SEMA3A: variants seen among roughly 807,000 people sequenced by gnomAD.
The protein encoded by SEMA3A is semaphorin 3A.
SEMA3A carries 29 observed loss-of-function variants against 97.9 expected under a neutral mutation model. The observed-to-expected ratio is 0.30, with a 90% CI of 0.22 to 0.40. The LOEUF is 0.40. SEMA3A is among the 10% of genes least tolerant of loss of function. The pLI is 1.00. For synonymous variants in SEMA3A, 321 were observed against 323.7 expected (o/e 0.99, Z 0.09); for missense variants, 763 against 951.3 (o/e 0.80, Z 2.60).
chr7:83,972,624 T>A (rs1338194110), intron 15 of SEMA3A, among the ~76,000 whole-genome samples: 1 of 152,032 alleles, frequency 6.6e-6, no homozygotes, highest in Admixed American at 6.6e-5. Flanking sequence ...CCATAAACAA[T>A]AATGAAAATA....
chr7:84,299,338 ATCTCTCTC>A (rs368421141), intron 3 of SEMA3A, among the ~76,000 whole-genome samples: 14 of 112,974 alleles, frequency 1.2e-4, no homozygotes, highest in South Asian at 6.3e-4. Flanking sequence ...ATATATATGT[ATCTCTCTC>A]TCTCTCTCTC....
intron 2 of SEMA3A, among the ~76,000 whole-genome samples, chr7:84,348,314 G>A (rs1802353693): frequency 6.6e-6 from 1 of 152,112 alleles, no homozygotes; most frequent in South Asian, 2.1e-4. Context: ...TTGTTAATAT[G>A]TAGCCAAAGT....
intron 4 of SEMA3A, among the ~76,000 whole-genome samples, chr7:84,074,881 T>C (rs1344049628): frequency 1.3e-5 from 2 of 152,076 alleles, no homozygotes; most frequent in Non-Finnish European, 2.9e-5. Context: ...ACTATAATTG[T>C]TTAATAATTG....
chr7:84,257,918 A>G (rs536928499), intron 3 of SEMA3A, among the ~76,000 whole-genome samples: 1 of 152,334 alleles, frequency 6.6e-6, no homozygotes, highest in South Asian at 2.1e-4. Context: ...TTATTTCTAT[A>G]TTAGACATAT....
At chr7:84,047,222 T>G (rs2115588523) in intron 5 of SEMA3A, among the ~76,000 whole-genome samples, 1 of 152,008 alleles carries the variant, frequency 6.6e-6, no homozygotes, top group African/African-American at 2.4e-5. Flanking sequence ...AGGTCAGAGT[T>G]TAATAATGGA....
At chr7:84,069,429 G>A (rs932781917) in intron 4 of SEMA3A, among the ~76,000 whole-genome samples, 1 of 152,072 alleles carries the variant, frequency 6.6e-6, no homozygotes, top group African/African-American at 2.4e-5. Context: ...AGTTGTTACA[G>A]TAAACTTATT....
intron 1 of SEMA3A, among the ~76,000 whole-genome samples, chr7:84,410,003 C>T (rs536537506): frequency 6.6e-6 from 1 of 151,890 alleles, no homozygotes; most frequent in African/African-American, 2.4e-5. Context: ...AAAAATGATT[C>T]ATAAGGATCA....
intron 5 of SEMA3A, among the ~76,000 whole-genome samples, chr7:84,055,024 G>A (rs1583884239): frequency 3.3e-5 from 5 of 151,588 alleles, no homozygotes; most frequent in African/African-American, 4.8e-5. Context: ...TCAGGGGTCA[G>A]GGGTCAGGGA....
At chr7:84,285,645 T>C (rs1027455990) in intron 3 of SEMA3A, among the ~76,000 whole-genome samples, 2 of 151,964 alleles carry the variant, frequency 1.3e-5, no homozygotes, top group African/African-American at 4.8e-5. Context: ...ATAAGGGAAG[T>C]TGAATATAAA....
At chr7:84,171,744 G>C (rs1011563562) in intron 1 of SEMA3A, among the ~76,000 whole-genome samples, 3 of 151,828 alleles carry the variant, frequency 2.0e-5, no homozygotes, top group Admixed American at 2.0e-4. Flanking sequence ...TACTTGAACT[G>C]CTTTGATTAA....
intron 1 of SEMA3A, among the ~76,000 whole-genome samples, chr7:84,456,720 A>G (rs1385533429): frequency 6.6e-6 from 1 of 151,846 alleles, no homozygotes. Flanking sequence ...ATAAAGAACC[A>G]TGTTATATTT....
chr7:84,149,002 A>C (rs977835863), intron 1 of SEMA3A, among the ~76,000 whole-genome samples: 1 of 152,286 alleles, frequency 6.6e-6, no homozygotes, highest in East Asian at 1.9e-4. Context: ...GATAGTCAAA[A>C]GTTATATGTG....
At chr7:84,321,166 C>A (rs549847584) in intron 2 of SEMA3A, among the ~76,000 whole-genome samples, 6 of 152,112 alleles carry the variant, frequency 3.9e-5, no homozygotes, top group Non-Finnish European at 8.8e-5. Context: ...AGATTGTAAA[C>A]CTAAATCCAG....
At chr7:84,343,264 G>C (rs2115994557) in intron 2 of SEMA3A, among the ~76,000 whole-genome samples, 1 of 152,302 alleles carries the variant, frequency 6.6e-6, no homozygotes, top group East Asian at 1.9e-4. Flanking sequence ...ATAAATGGTA[G>C]TTGAATTGTG....
At chr7:84,424,063 C>T (rs1804675166) in intron 1 of SEMA3A, among the ~76,000 whole-genome samples, 1 of 151,368 alleles carries the variant, frequency 6.6e-6, no homozygotes, top group Admixed American at 6.6e-5. Flanking sequence ...TTAGTAAAAC[C>T]CCTATGGAAA....
chr7:84,002,286 A>AT (rs1380131863), intron 11 of SEMA3A, among the ~76,000 whole-genome samples: 5 of 152,194 alleles, frequency 3.3e-5, no homozygotes, highest in Non-Finnish European at 7.3e-5. Context: ...ATTTTTAGAA[A>AT]TATGTTTAGC....
At chr7:84,290,939 GA>G (rs1177790795) in intron 3 of SEMA3A, among the ~76,000 whole-genome samples, 3 of 151,994 alleles carry the variant, frequency 2.0e-5, no homozygotes, top group African/African-American at 4.8e-5. Context: ...CTTTTACTTT[GA>G]AAAGGTCAGG....
At position 83,980,329 on chromosome 7, in the gene SEMA3A, G is replaced by T. The variant is rs142307259; in HGVS notation, c.1652+992C>A. On this transcript the variant is annotated intron_variant, in intron 14 of 16. Transcript: ENST00000265362. ...ATATATATGTATATATATGCTGGGCGCAGTGGCACACGACTGTAATCCCTG... is the reference window on the plus strand; with the variant it reads ...ATATATATGTATATATATGCTGGGCTCAGTGGCACACGACTGTAATCCCTG... 7.3e-3 allele frequency among the ~76,000 whole-genome samples: 1,101 copies of T among 151,810 alleles called. 13 individuals are homozygous for T. Among genetic ancestry groups the T allele is most frequent in the African/African-American group, 0.025 (1,049 of 41,412 alleles).
chr7:84,419,676 G>A (rs73710474), intron 1 of SEMA3A, among the ~76,000 whole-genome samples: 1 of 152,282 alleles, frequency 6.6e-6, no homozygotes, highest in African/African-American at 2.4e-5. Flanking sequence ...CAGGTTCAGA[G>A]TGGAATGTAT....
Sources: gnomAD v4.1 joint callset for allele counts (sites outside exome capture counted in the v4.1 genomes callset) on GRCh38, gnomAD v4.1.1 for gene constraint, MANE v1.5 for transcripts, NCBI Gene and HGNC (gene_info 2026-07-23, HGNC 2026-07-21) for gene names.